The following SYNRG variants were observed in gnomAD, a reference collection of about 807,000 sequenced individuals.
SYNRG encodes the protein AP1 gamma subunit binding protein 1.
A neutral mutation model predicts 130.9 loss-of-function variants in SYNRG; 37 were observed. The observed-to-expected ratio is 0.28, with a 90% CI of 0.22 to 0.37. The LOEUF is 0.37. Among genes scored for constraint, SYNRG ranks in the 10% least tolerant of loss-of-function variants. The probability of loss-of-function intolerance (pLI) is 1.00; values close to 1 mark genes in which losing one functional copy is unlikely to be tolerated. For synonymous variants in SYNRG, 539 were observed against 568.1 expected, an observed-to-expected ratio of 0.95 and a Z score of 0.73; for missense variants, 1,338 against 1,588.9, an observed-to-expected ratio of 0.84 and a Z score of 2.68.
At chr17:37,580,650 T>G (rs559737550) in intron 6 of SYNRG, among the ~76,000 whole-genome samples, 40 of 152,256 alleles carry the variant, frequency 2.6e-4, no homozygotes, top group Middle Eastern at 3.4e-3. Context: ...TTCTTCTGCC[T>G]CAAACTCCCA....
Position 37,576,348 on chromosome 17 carries a change from C to G in SYNRG, c.894G>C (p.Leu298Phe), listed in dbSNP as rs908708418. The G allele has an allele frequency of 6.8e-6, 11 of 1,613,436 alleles. No individual in the cohort carries two copies. Among genetic ancestry groups the G allele is most frequent in the African/African-American group, 1.3e-5 (1 of 74,790 alleles). The change falls in exon 8 of 22, where the codon TTG (leucine) becomes TTC (phenylalanine). Residue 298 changes from leucine (L) to phenylalanine (F), a missense_variant. Leu to Phe is a conservative substitution (Grantham distance 22, BLOSUM62 0). Coordinates refer to ENST00000612223, the MANE Select transcript of SYNRG (RefSeq NM_007247.6). ...RMPPWIYNES[L>F]VPDAYKKILE... ...GTAAAGAAGCTTTTTTACCTGGAACCAAACTCTCATTGTAAATCCAAGGAG... is the reference window on the plus strand; with the variant it reads ...GTAAAGAAGCTTTTTTACCTGGAACGAAACTCTCATTGTAAATCCAAGGAG...
intron 2 of SYNRG, among the ~76,000 whole-genome samples, chr17:37,597,437 G>A (rs1042832831): frequency 1.3e-5 from 2 of 152,186 alleles, no homozygotes; most frequent in African/African-American, 4.8e-5. Flanking sequence ...TAACAGTTAG[G>A]AGCATGAACT....
intron 8 of SYNRG, among the ~76,000 whole-genome samples, chr17:37,574,397 G>A (rs8074231): frequency 6.6e-6 from 1 of 152,016 alleles, no homozygotes; most frequent in Non-Finnish European, 1.5e-5. Context: ...AAGCAAAAAT[G>A]GACAAATGGG....
At chr17:37,561,357 T>G in intron 12 of SYNRG, 100 bp from the exon 13 acceptor site, 2 of 1,427,984 alleles carry the variant, frequency 1.4e-6, no homozygotes, top group Non-Finnish European at 2.0e-6. Context: ...TATTAACATG[T>G]GGTATACAGG....
At chr17:37,543,663 G>A (rs1391436663) in intron 14 of SYNRG, among the ~76,000 whole-genome samples, 1 of 152,226 alleles carries the variant, frequency 6.6e-6, no homozygotes, top group Non-Finnish European at 1.5e-5. Flanking sequence ...GCTAGTGTCT[G>A]CTCAGCATAG....
chr17:37,609,142 C>G (rs2064149423), intron 1 of SYNRG, 137 bp downstream of exon 1: 1 of 1,051,474 alleles, frequency 9.5e-7, no homozygotes, highest in Non-Finnish European at 1.3e-6. Context: ...CGGCCTGGGT[C>G]CCTGGGGGAT....
chr17:37,561,142 C>A (rs2059499868), intron 13 of SYNRG, 53 bp downstream of exon 13: 1 of 1,518,100 alleles, frequency 6.6e-7, no homozygotes, highest in African/African-American at 1.4e-5. Flanking sequence ...TCGAAAACCC[C>A]TTTTTTATTA....
rs762086597 is a variant in SYNRG at position 37,536,099 on chromosome 17, C to A, written c.3546G>T (p.Lys1182Asn). The A allele has an allele frequency of 6.2e-7, 1 of 1,613,860 alleles. No individual in the cohort carries two copies. The highest frequency in any genetic ancestry group is 8.5e-7 in the Non-Finnish European group (1 of 1,179,904). ...TGGCTTTTATCCCCAGCTCCACACG[C>A]TTGGTTACCCTGTACACTTCAACAA... Reference protein sequence around the residue: ...LGVVEVYRVTKRVELGIKATA... With the variant: ...LGVVEVYRVTNRVELGIKATA... The change falls in exon 19 of 22, where the codon AAG becomes AAT. Residue 1182 changes from lysine (K) to asparagine (N), a missense_variant. Lys to Asn is a moderately conservative substitution (Grantham distance 94, BLOSUM62 0). Transcript: ENST00000612223.
intron 11 of SYNRG, among the ~76,000 whole-genome samples, chr17:37,563,690 C>T (rs1156560761): frequency 6.6e-6 from 1 of 151,908 alleles, no homozygotes; most frequent in Non-Finnish European, 1.5e-5. Context: ...GCATGCACCA[C>T]CATGCACAGC....
At chr17:37,530,431 C>G (rs1331624975) in intron 19 of SYNRG, among the ~76,000 whole-genome samples, 57 of 152,328 alleles carry the variant, frequency 3.7e-4, no homozygotes, top group African/African-American at 1.2e-3. Flanking sequence ...ACATCCTTCT[C>G]TACCCCACAG....
chr17:37,536,034 T>C lies in SYNRG; in HGVS notation c.3611A>G (p.Asp1204Gly). The change falls in exon 19 of 22, where the codon GAC becomes GGC. Residue 1204 changes from aspartate (D) to glycine (G), a missense_variant. Physicochemically the swap from Asp to Gly is moderately conservative, Grantham distance 94 (BLOSUM62 -1). Transcript: ENST00000612223. The stretch of plus-strand genomic sequence containing the variant: ...TAGGTTATTCCATACTTTATCGATG[T>C]CCTTCAGCAACTGCTGGAGTTTCTC... The part of the protein sequence containing the change: ...CSEKLQQLLK[D>G]IDKVWNNLIG... 1 of 1,614,114 alleles carries C rather than the reference T, an allele frequency of 6.2e-7. No individual in the cohort carries two copies. Among genetic ancestry groups the C allele is most frequent in the Non-Finnish European group, 8.5e-7 (1 of 1,179,960 alleles).
At chr17:37,533,592 T>TC (rs2056870114) in intron 19 of SYNRG, among the ~76,000 whole-genome samples, 1 of 148,428 alleles carries the variant, frequency 6.7e-6, no homozygotes, top group African/African-American at 2.4e-5. Context: ...CTTTTTCTTT[T>TC]TTTTTTTTTT....
intron 3 of SYNRG, 44 bp from the exon 4 acceptor site, chr17:37,586,593 T>G (rs1161163364): frequency 6.2e-7 from 1 of 1,603,898 alleles, no homozygotes; most frequent in South Asian, 1.1e-5. Context: ...ATTTATCCCT[T>G]TAATTATCAC....
chr17:37,540,805 T>G (rs746592835), intron 15 of SYNRG: 2 of 796,722 alleles, frequency 2.5e-6, no homozygotes, highest in Non-Finnish European at 3.2e-6. Flanking sequence ...TGGCTAATTT[T>G]TGTATTTTTA....
At chr17:37,538,196 C>A in intron 18 of SYNRG, 128 bp downstream of exon 18, 1 of 676,528 alleles carries the variant, frequency 1.5e-6, no homozygotes, top group Non-Finnish European at 2.5e-6. Flanking sequence ...GTGTCTTACC[C>A]ACAAATACAG....
chr17:37,586,718 A>G (rs1369875329), intron 3 of SYNRG, among the ~76,000 whole-genome samples, 169 bp from the exon 4 acceptor site: 1 of 152,226 alleles, frequency 6.6e-6, no homozygotes, highest in African/African-American at 2.4e-5. Flanking sequence ...CAAATATACA[A>G]AGAAATATAT....
At chr17:37,564,597 G>A (rs973900590) in intron 11 of SYNRG, among the ~76,000 whole-genome samples, 4 of 152,164 alleles carry the variant, frequency 2.6e-5, no homozygotes, top group Non-Finnish European at 2.9e-5. Context: ...TCTCCATCCC[G>A]GTCTACTCCT....
chr17:37,568,897 G>T lies in SYNRG; in HGVS notation c.1375C>A (p.Gln459Lys). 1 of 1,613,856 alleles carries T rather than the reference G, an allele frequency of 6.2e-7. No homozygotes were observed. Among genetic ancestry groups the T allele is most frequent in the East Asian group, 2.2e-5 (1 of 44,862 alleles). ...QVVKPEEDDF[Q>K]DFQDASKSGS... ...GACTTAGAAGCATCTTGAAAATCCTGGAAGTCATCTTCTTCTGGCTTTACT... is the reference window on the plus strand; with the variant it reads ...GACTTAGAAGCATCTTGAAAATCCTTGAAGTCATCTTCTTCTGGCTTTACT... Residue 459 changes from glutamine to lysine, a missense_variant, in exon 11 of 22, where the codon CAG becomes AAG. Physicochemically the swap from Gln to Lys is moderately conservative, Grantham distance 53. This residue lies in a region of SYNRG where 1,146 missense variants were observed against 1,342.3 expected (regional missense o/e 0.85). Coordinates refer to ENST00000612223, the MANE Select transcript of SYNRG (RefSeq NM_007247.6).
At position 37,515,738 on chromosome 17, in the gene SYNRG, G is replaced by A. The variant is rs1597987209; in HGVS notation, c.*3202C>T. The A allele has an allele frequency of 6.6e-6, 1 of 152,342 alleles. No homozygotes were observed. The highest frequency in any genetic ancestry group is 1.9e-4 in the East Asian group (1 of 5,202). 9.4% of individuals were successfully genotyped at this position (152,342 alleles called of 1,614,324 possible). On this transcript the variant is annotated 3_prime_UTR_variant, in exon 22 of 22. Transcript: ENST00000612223. ...CCTCCCAAAGTGCTGGGGATTACAG[G>A]CGTGAGCCACCACGCCCGGCTAAAG... is the stretch of plus-strand genomic sequence containing the variant.
Sources: allele counts gnomAD v4.1 joint callset (sites outside exome capture counted in the v4.1 genomes callset), GRCh38; gene constraint gnomAD v4.1.1; regional missense constraint gnomAD v4.1.1; transcripts MANE v1.5; gene names NCBI Gene and HGNC (gene_info 2026-07-23, HGNC 2026-07-21).